Variants in THSD7B observed in about 807,000 individuals in gnomAD.
The protein encoded by THSD7B is thrombospondin type 1 domain containing 7B.
In THSD7B, 138 loss-of-function variants were observed where a neutral mutation model predicts 213.6. The observed-to-expected ratio is 0.65, with a 90% CI of 0.56 to 0.74. THSD7B has a LOEUF of 0.74. Ranked by LOEUF, THSD7B falls within the 30% of genes least tolerant of loss-of-function variation. The probability of loss-of-function intolerance (pLI) is 0.00; values close to 1 mark genes in which losing one functional copy is unlikely to be tolerated. For synonymous variants in THSD7B, 742 were observed against 687.0 expected (o/e 1.08, Z -1.25); for missense variants, 1,931 against 1,991.5 (o/e 0.97, Z 0.58).
intron 21 of THSD7B, among the ~76,000 whole-genome samples, chr2:137,653,392 C>T (rs1426160289): frequency 2.6e-5 from 4 of 151,948 alleles, no homozygotes; most frequent in Non-Finnish European, 5.9e-5. Context: ...GATTATTATG[C>T]GCCTTATGAT....
intron 20 of THSD7B, among the ~76,000 whole-genome samples, chr2:137,636,086 T>C (rs1682828031): frequency 6.6e-6 from 1 of 152,200 alleles, no homozygotes; most frequent in Admixed American, 6.5e-5. Context: ...TCTGATATTC[T>C]TCATCTGAAT....
intron 4 of THSD7B, among the ~76,000 whole-genome samples, chr2:137,099,409 G>T (rs550792438): frequency 5.9e-5 from 9 of 152,284 alleles, no homozygotes; most frequent in African/African-American, 1.9e-4. Context: ...GAAAGACAAA[G>T]AACGTAGAGC....
At position 137,584,955 on chromosome 2, in the gene THSD7B, C is replaced by T. The variant is rs544694400; in HGVS notation, c.3423+12399C>T. 3.3e-5 allele frequency among the ~76,000 whole-genome samples: 5 copies of T among 152,270 alleles called. No homozygotes were observed. The East Asian group carries it at 9.7e-4, about 29-fold the overall frequency. ...CCTCTGGTAGAATTCGGCTGTGAAT[C>T]CGTCTGGTCCTGGACTTTTTTTTTA... On this transcript the variant is annotated intron_variant, in intron 17 of 27. Transcript: ENST00000409968.
intron 3 of THSD7B, among the ~76,000 whole-genome samples, chr2:137,093,961 C>A (rs1687996127): frequency 2.6e-5 from 4 of 152,096 alleles, no homozygotes; most frequent in Admixed American, 2.6e-4. Flanking sequence ...TGCTTGATCA[C>A]ACACACATTT....
intron 15 of THSD7B, among the ~76,000 whole-genome samples, chr2:137,495,585 A>G (rs1238072055): frequency 2.0e-5 from 3 of 152,134 alleles, no homozygotes; most frequent in Non-Finnish European, 4.4e-5. Flanking sequence ...TAAGTTAGTA[A>G]TTTAAAAGAC....
intron 15 of THSD7B, among the ~76,000 whole-genome samples, chr2:137,502,966 T>A (rs898260280): frequency 2.0e-5 from 3 of 152,200 alleles, no homozygotes; most frequent in African/African-American, 7.2e-5. Context: ...TGCTAGTCAT[T>A]ACTGCATATT....
intron 15 of THSD7B, among the ~76,000 whole-genome samples, chr2:137,524,976 C>T (rs1288956859): frequency 6.6e-6 from 1 of 152,114 alleles, no homozygotes; most frequent in Non-Finnish European, 1.5e-5. Flanking sequence ...AGATGGGAGA[C>T]AATAAGGAGA....
intron 17 of THSD7B, among the ~76,000 whole-genome samples, chr2:137,581,753 C>G (rs1681580030): frequency 6.9e-6 from 1 of 145,680 alleles, no homozygotes; most frequent in African/African-American, 2.5e-5. Flanking sequence ...GAGCGAGACT[C>G]CGTCTCAAAA....
intron 1 of THSD7B, among the ~76,000 whole-genome samples, chr2:136,859,362 T>C (rs546381047): frequency 1.7e-4 from 26 of 152,322 alleles, no homozygotes; most frequent in Middle Eastern, 3.4e-3. Context: ...TGCATGTATC[T>C]GTTTTAAAAG....
chr2:136,827,336 AATAGCTGG>A (rs1485164027), intron 1 of THSD7B, among the ~76,000 whole-genome samples: 4 of 152,218 alleles, frequency 2.6e-5, no homozygotes, highest in African/African-American at 9.7e-5. Context: ...TGAAAAGATG[AATAGCTGG>A]TCCTGAGCTG....
At chr2:137,130,609 G>A (rs1291522753) in intron 5 of THSD7B, among the ~76,000 whole-genome samples, 2 of 145,658 alleles carry the variant, frequency 1.4e-5, no homozygotes, top group African/African-American at 5.2e-5. Context: ...ATTCCCACCT[G>A]TGAGTGAGAA....
chr2:136,978,434 G>A (rs1204359584), intron 2 of THSD7B, among the ~76,000 whole-genome samples: 2 of 152,124 alleles, frequency 1.3e-5, no homozygotes, highest in South Asian at 2.1e-4. Context: ...CAGTCTCTTC[G>A]TAGGTCTCCA....
At chr2:137,590,068 A>T (rs984592578) in intron 17 of THSD7B, among the ~76,000 whole-genome samples, 3 of 151,686 alleles carry the variant, frequency 2.0e-5, no homozygotes, top group African/African-American at 7.3e-5. Context: ...CTCTTTTGCT[A>T]TCAGTACCTG....
rs566420636 is a variant in THSD7B at position 136,890,653 on chromosome 2, C to T, written c.139+8336C>T. Among the ~76,000 whole-genome samples, 4 of 149,542 alleles carry T rather than the reference C, an allele frequency of 2.7e-5. No homozygotes were observed. The East Asian group carries it at 7.9e-4, about 30-fold the overall frequency. Reference sequence around the variant, plus strand: ...CTCCTGGGTTCAAGCGATTCTTCCGCCTCAGCCTCCTGAGTAGCTGGGATT... The same window carrying T: ...CTCCTGGGTTCAAGCGATTCTTCCGTCTCAGCCTCCTGAGTAGCTGGGATT... On this transcript the variant is annotated intron_variant, in intron 2 of 27. Coordinates refer to ENST00000409968, the MANE Select transcript of THSD7B (RefSeq NM_001316349.2).
Position 136,822,185 on chromosome 2 carries a change from T to G in THSD7B, c.-36+56498T>G, listed in dbSNP as rs147403392. ...TCTGAATGAAGTAGAGACTAATGCT[T>G]TTGGTCTCTTGGTGAATTGATTGCT... On this transcript the variant is annotated intron_variant, in intron 1 of 27. Coordinates refer to ENST00000409968, the MANE Select transcript of THSD7B (RefSeq NM_001316349.2). 1.1e-3 allele frequency among the ~76,000 whole-genome samples: 161 copies of G among 152,276 alleles called. 1 individual carries two copies. Among genetic ancestry groups the G allele is most frequent in the African/African-American group, 3.7e-3 (154 of 41,558 alleles).
At position 137,529,123 on chromosome 2, in the gene THSD7B, C is replaced by T. The variant is rs538611250; in HGVS notation, c.3139-34098C>T. On this transcript the variant is annotated intron_variant, in intron 15 of 27. Transcript: ENST00000409968. ...CCACTTCATGGAGACAGTACTTTCC[C>T]TTTCTAAGGCACATTTCATTTAATG... is the stretch of plus-strand genomic sequence containing the variant. 2.0e-5 allele frequency among the ~76,000 whole-genome samples: 3 copies of T among 152,090 alleles called. No homozygotes were observed. The South Asian group carries it at 6.2e-4, about 32-fold the overall frequency.
At chr2:136,831,081 T>C (rs1682746060) in intron 1 of THSD7B, among the ~76,000 whole-genome samples, 1 of 151,868 alleles carries the variant, frequency 6.6e-6, no homozygotes, top group East Asian at 1.9e-4. Context: ...ACCTGTTTCC[T>C]AGTTTGCCTT....
intron 7 of THSD7B, among the ~76,000 whole-genome samples, chr2:137,185,169 T>G (rs1281419829): frequency 2.0e-5 from 3 of 151,956 alleles, no homozygotes; most frequent in African/African-American, 7.2e-5. Context: ...GCAACATATT[T>G]ATATAACTTA....
At position 137,421,390 on chromosome 2, in the gene THSD7B, T is replaced by C. The variant is rs530211146; in HGVS notation, c.2959+9518T>C. On this transcript the variant is annotated intron_variant, in intron 14 of 27. Coordinates refer to ENST00000409968, the MANE Select transcript of THSD7B (RefSeq NM_001316349.2). ...CCTCTGAAAATTCTGACCAACTGGC[T>C]TCAAGTTGGGGTTCCCACGACTCCC... 1.5e-4 allele frequency among the ~76,000 whole-genome samples: 23 copies of C among 152,304 alleles called. No individual in the cohort carries two copies. The South Asian group carries it at 2.7e-3, about 18-fold the overall frequency.
Sources: gnomAD v4.1 joint callset for allele counts (sites outside exome capture counted in the v4.1 genomes callset) on GRCh38, gnomAD v4.1.1 for gene constraint, MANE v1.5 for transcripts, NCBI Gene and HGNC (gene_info 2026-07-23, HGNC 2026-07-21) for gene names.